Variants in POLR2F observed in about 807,000 individuals in gnomAD.
POLR2F encodes DNA-directed RNA polymerases I, II, and III subunit RPABC2.
Under a neutral mutation model 22.7 loss-of-function variants are expected in POLR2F, and 12 were observed. The observed-to-expected ratio is 0.53, with a 90% CI of 0.34 to 0.86. The LOEUF is 0.86. Ranked by LOEUF, POLR2F falls within the 40% of genes least tolerant of loss-of-function variation. The probability of loss-of-function intolerance (pLI) is 0.02; values close to 1 mark genes in which losing one functional copy is unlikely to be tolerated. For synonymous variants in POLR2F, 57 were observed against 66.0 expected (o/e 0.86, Z 0.66); for missense variants, 126 against 171.5 (o/e 0.73, Z 1.48).
chr22:38,023,169 C>T (rs1047601068), intron 1 of POLR2F, among the ~76,000 whole-genome samples: 2 of 152,134 alleles, frequency 1.3e-5, no homozygotes, highest in South Asian at 4.1e-4. Context: ...GAGGGTGCCT[C>T]CAGAGTGGTT....
At chr22:37,953,695 A>C (rs1174014199), upstream of POLR2F, 5 of 1,481,172 alleles carry the variant, frequency 3.4e-6, no homozygotes, top group Middle Eastern at 4.2e-4. Context: ...CGCAGGCGCA[A>C]GATAAGCTAG....
intron 4 of POLR2F, 178 bp from the exon 5 acceptor site, chr22:37,967,447 T>C (rs755876469): frequency 2.1e-5 from 30 of 1,435,362 alleles, no homozygotes; most frequent in Non-Finnish European, 2.6e-5. Context: ...TTCCCCCTCT[T>C]GTCTGATATA....
upstream of POLR2F, among the ~76,000 whole-genome samples, chr22:37,981,905 C>T (rs1932409041): frequency 6.6e-6 from 1 of 152,092 alleles, no homozygotes. Flanking sequence ...GGGGAAGGGG[C>T]ACCAGGTCTT....
intron 1 of POLR2F, among the ~76,000 whole-genome samples, chr22:38,005,788 T>C (rs1343440977): frequency 1.3e-5 from 2 of 152,230 alleles, no homozygotes; most frequent in Non-Finnish European, 2.9e-5. Context: ...AGGTCAGAGA[T>C]GAGTACAGAA....
intron 1 of POLR2F, among the ~76,000 whole-genome samples, chr22:37,955,684 A>C (rs1489290175): frequency 6.6e-6 from 1 of 151,882 alleles, no homozygotes; most frequent in African/African-American, 2.4e-5. Flanking sequence ...TCTTCTTATT[A>C]TTATTTTTTA....
chr22:37,998,870 G>T (rs1381276733), intron 1 of POLR2F, among the ~76,000 whole-genome samples: 3 of 152,006 alleles, frequency 2.0e-5, no homozygotes, highest in African/African-American at 7.3e-5. Context: ...GGAGAGGTGT[G>T]GTGGGGGCTG....
At chr22:38,023,202 G>T (rs1203315314) in intron 1 of POLR2F, among the ~76,000 whole-genome samples, 2 of 152,150 alleles carry the variant, frequency 1.3e-5, no homozygotes, top group Admixed American at 1.3e-4. Context: ...AGTGGGGTCT[G>T]GCAGGGGACC....
chr22:37,994,460 C>T (rs1345429692), intron 1 of POLR2F, among the ~76,000 whole-genome samples: 5 of 152,200 alleles, frequency 3.3e-5, no homozygotes, highest in African/African-American at 1.2e-4. Flanking sequence ...CGATCCCCCA[C>T]CTCAGCCTTC....
chr22:38,008,638 G>A (rs1203132069), intron 1 of POLR2F, among the ~76,000 whole-genome samples: 5 of 151,864 alleles, frequency 3.3e-5, no homozygotes, highest in Non-Finnish European at 4.4e-5. Flanking sequence ...TTGGGAGGCC[G>A]AGGCGGGTGG....
chr22:37,993,645 T>A (rs1300250294), intron 1 of POLR2F, among the ~76,000 whole-genome samples: 1 of 152,106 alleles, frequency 6.6e-6, no homozygotes, highest in Non-Finnish European at 1.5e-5. Context: ...AACCTTCCCA[T>A]GCCTCAATCT....
In POLR2F at chr22:38,017,473, C is replaced by T. The variant is rs2084925063; in HGVS notation, c.121-8396C>T. On this transcript the variant is annotated intron_variant, in intron 1 of 2. Coordinates refer to the POLR2F transcript ENST00000333418. The surrounding 1 kb of genome is among the most constrained non-coding windows in gnomAD (Gnocchi z 4.1). ...GTACCACCTGGTTCTGCCAAGGGCT[C>T]CCAAGTTGTTCGCCATCTCTGGGCC... is the stretch of plus-strand genomic sequence containing the variant. 6.6e-6 allele frequency among the ~76,000 whole-genome samples: 1 copy of T among 152,072 alleles called. No individual in the cohort carries two copies. The highest frequency in any genetic ancestry group is 2.4e-5 in the African/African-American group (1 of 41,396).
At chr22:37,972,928 T>C (rs772944022), downstream of POLR2F, 1 of 154,506 alleles carries the variant, frequency 6.5e-6, no homozygotes, top group Non-Finnish European at 1.4e-5. Flanking sequence ...ATTGAAGGGA[T>C]GAGAACTCCA....
At chr22:38,038,752 C>G (rs988377051) in intron 5 of POLR2F, among the ~76,000 whole-genome samples, 1 of 151,834 alleles carries the variant, frequency 6.6e-6, no homozygotes, top group Admixed American at 6.5e-5. Flanking sequence ...CTCTCGCTGG[C>G]TCTTCCCGGC....
chr22:37,999,014 C>T (rs73417827), intron 1 of POLR2F, among the ~76,000 whole-genome samples: 3,770 of 152,152 alleles, frequency 0.025, 157 homozygotes, highest in African/African-American at 0.086. Flanking sequence ...AAGATGAAGA[C>T]CCCCTCCTGT....
chr22:38,041,506 TA>T (rs1206291700), downstream of POLR2F: 2 of 243,198 alleles, frequency 8.2e-6, no homozygotes, highest in East Asian at 1.9e-4. Context: ...CAAGGTCAAG[TA>T]ATAACGACAG....
chr22:38,004,180 G>T (rs979919741), intron 1 of POLR2F, among the ~76,000 whole-genome samples: 2 of 19,006 alleles, frequency 1.1e-4, no homozygotes, highest in Non-Finnish European at 9.9e-5. Flanking sequence ...TAGAGATGTG[G>T]GGGGGGTCTC....
intron 3 of POLR2F, among the ~76,000 whole-genome samples, 165 bp downstream of exon 3, chr22:37,959,641 A>G (rs1335408645): frequency 2.0e-5 from 3 of 151,976 alleles, no homozygotes; most frequent in Non-Finnish European, 4.4e-5. Flanking sequence ...CCCTGCCCTC[A>G]GGGAGCTTGT....
At chr22:37,991,888 G>T (rs1321900924) in intron 1 of POLR2F, among the ~76,000 whole-genome samples, 1 of 152,152 alleles carries the variant, frequency 6.6e-6, no homozygotes, top group African/African-American at 2.4e-5. Context: ...TTGAGGGCTG[G>T]GTCCTTCCCA....
At chr22:38,039,006 A>G (rs570108424) in intron 5 of POLR2F, among the ~76,000 whole-genome samples, 16 of 151,690 alleles carry the variant, frequency 1.1e-4, no homozygotes, top group Non-Finnish European at 2.2e-4. Context: ...GAGTGGCAGG[A>G]CCCTCCCGTC....
Sources: allele counts gnomAD v4.1 joint callset (sites outside exome capture counted in the v4.1 genomes callset), GRCh38; gene constraint gnomAD v4.1.1; non-coding constraint Gnocchi (gnomAD v3.1); transcripts MANE v1.5; gene names NCBI Gene and HGNC (gene_info 2026-07-23, HGNC 2026-07-21).